The following RECK variants were observed in gnomAD, a reference collection of about 807,000 sequenced individuals.
RECK encodes reversion-inducing cysteine-rich protein with Kazal motifs.
RECK carries 69 observed loss-of-function variants against 115.1 expected under a neutral mutation model. That is an observed-to-expected ratio of 0.60 (90% CI 0.49 to 0.73). The LOEUF is 0.73. RECK is among the 30% of genes least tolerant of loss of function. The pLI is 0.00. For synonymous variants in RECK, 414 were observed against 419.7 expected (o/e 0.99, Z 0.17); for missense variants, 1,047 against 1,203.7 (o/e 0.87, Z 1.93).
chr9:36,052,126 A>G, intron 1 of RECK, 139 bp from the exon 2 acceptor site: 3 of 597,398 alleles, frequency 5.0e-6, no homozygotes, highest in Admixed American at 4.6e-5. Flanking sequence ...ATAGGTGCTC[A>G]GTAAAGGTTT....
chr9:36,083,434 G>C lies in RECK; in HGVS notation c.509G>C (p.Arg170Pro), dbSNP rs375748786. ...NCREYCQAIFRTDSSPGPSQI... is the reference protein window; with the variant it reads ...NCREYCQAIFPTDSSPGPSQI... ...CGAGAATACTGTCAAGCCATTTTTCGAACAGACTCTTCTCCTGGTCCATCT... is the reference window on the plus strand; with the variant it reads ...CGAGAATACTGTCAAGCCATTTTTCCAACAGACTCTTCTCCTGGTCCATCT... Residue 170 changes from arginine (R) to proline (P), a missense_variant, in exon 8 of 21, where the codon CGA (arginine) becomes CCA (proline). Arg to Pro is a moderately radical substitution (Grantham distance 103). Coordinates refer to ENST00000377966, the MANE Select transcript of RECK (RefSeq NM_021111.3). The C allele has an allele frequency of 6.2e-7, 1 of 1,613,912 alleles. No homozygotes were observed. Among genetic ancestry groups the C allele is most frequent in the Non-Finnish European group, 8.5e-7 (1 of 1,179,942 alleles).
At position 36,087,746 on chromosome 9, in the gene RECK, G is replaced by C; in HGVS notation, c.690G>C (p.Lys230Asn). 1.2e-6 allele frequency: 2 copies of C among 1,614,008 alleles called. No individual in the cohort carries two copies. The highest frequency in any genetic ancestry group is 2.2e-5 in the South Asian group (2 of 91,076). Residue 230 changes from lysine (K) to asparagine (N), a missense_variant, in exon 9 of 21, where the codon AAG (lysine) becomes AAC (asparagine). Transcript: ENST00000377966. ...ACCATGCTTGCCAAAATGCCTGCAA[G>C]AGAATCCTGATGTCCAAGAAAACGG... Reference protein sequence around the residue: ...AEDHACQNACKRILMSKKTEM... With the variant: ...AEDHACQNACNRILMSKKTEM...
chr9:36,080,592 C>G lies in RECK; in HGVS notation c.406-13C>G. Reference sequence around the variant, plus strand: ...TGTTAATTTCTGTTTATTTGTTTTTCTTCAATTTACAGAATGCTCTTTTCA... The same window carrying G: ...TGTTAATTTCTGTTTATTTGTTTTTGTTCAATTTACAGAATGCTCTTTTCA... On this transcript the variant is annotated splice_polypyrimidine_tract_variant and intron_variant, in intron 6 of 20. Transcript: ENST00000377966. 1 of 1,597,868 alleles carries G rather than the reference C, an allele frequency of 6.3e-7. No individual in the cohort carries two copies. The highest frequency in any genetic ancestry group is 1.1e-5 in the South Asian group (1 of 90,002).
At position 36,037,030 on chromosome 9, in the gene RECK, C is replaced by T; in HGVS notation, c.32C>T (p.Ala11Val). The T allele has an allele frequency of 7.0e-7, 1 of 1,421,218 alleles. No homozygotes were observed. The highest frequency in any genetic ancestry group is 2.8e-5 in the Admixed American group (1 of 35,598). 88.0% of individuals were successfully genotyped at this position (1,421,218 alleles called of 1,614,324 possible). The change falls in exon 1 of 21, where the codon GCG becomes GTG. Residue 11 changes from alanine to valine, a missense_variant. Ala to Val is a moderately conservative substitution (Grantham distance 64). Transcript: ENST00000377966. ...ACCGTCCGGGCCTCTCTGCGAGGTG[C>T]GCTGCTCCTTCTGCTGGCCGTGGCG... The part of the protein sequence containing the change: MATVRASLRG[A>V]LLLLLAVAGV...
At chr9:36,052,715 C>T (rs565800589) in intron 2 of RECK, among the ~76,000 whole-genome samples, 116 of 151,830 alleles carry the variant, frequency 7.6e-4, no homozygotes, top group African/African-American at 2.5e-3. Context: ...AAAACATCAG[C>T]GCCTGTACTC....
At chr9:36,051,742 C>G (rs1212070784) in intron 1 of RECK, among the ~76,000 whole-genome samples, 1 of 152,120 alleles carries the variant, frequency 6.6e-6, no homozygotes, top group African/African-American at 2.4e-5. Flanking sequence ...CCATATACTC[C>G]TTTATGCTGA....
At chr9:36,039,060 T>C (rs1333109194) in intron 1 of RECK, among the ~76,000 whole-genome samples, 1 of 152,206 alleles carries the variant, frequency 6.6e-6, no homozygotes. Context: ...CTTTTTTTCT[T>C]CATAACACCT....
At chr9:36,106,443 G>T (rs910523059) in intron 13 of RECK, among the ~76,000 whole-genome samples, 1 of 151,438 alleles carries the variant, frequency 6.6e-6, no homozygotes, top group East Asian at 2.0e-4. Flanking sequence ...TCACCATGTT[G>T]TCCAGGCTGG....
intron 2 of RECK, among the ~76,000 whole-genome samples, chr9:36,056,281 A>C (rs1189712152): frequency 6.6e-6 from 1 of 152,192 alleles, no homozygotes; most frequent in Non-Finnish European, 1.5e-5. Context: ...TACTTCTTTG[A>C]AAATGTAATA....
chr9:36,105,413 G>A (rs2132657729), intron 13 of RECK, 130 bp downstream of exon 13: 1 of 799,602 alleles, frequency 1.3e-6, no homozygotes, highest in Non-Finnish European at 2.0e-6. Context: ...GAGATTATGA[G>A]GGACTTCATG....
At position 36,102,223 on chromosome 9, in the gene RECK, A is replaced by G; in HGVS notation, c.1428A>G (p.Thr476=). 6.2e-7 allele frequency: 1 copy of G among 1,602,976 alleles called. No homozygotes were observed. Among genetic ancestry groups the G allele is most frequent in the Non-Finnish European group, 8.5e-7 (1 of 1,176,376 alleles). The part of the protein sequence containing the change: ...DDLKNCIPLD[T]YLRPSTLGNI... ...TGAAGAATTGTATACCTTTGGATAC[A>G]TACCTCAGTAAGTACTTTTTTGTAT... The change falls in exon 12 of 21, where the codon ACA becomes ACG. Residue 476 remains threonine (T), a synonymous_variant. Coordinates refer to ENST00000377966, the MANE Select transcript of RECK (RefSeq NM_021111.3).
chr9:36,100,266 T>C, intron 10 of RECK, 65 bp from the exon 11 acceptor site: 2 of 1,363,806 alleles, frequency 1.5e-6, no homozygotes, highest in Non-Finnish European at 2.1e-6. Context: ...TGTCAGGATT[T>C]TACTTGTTGC....
At chr9:36,108,453 C>T (rs1302513513) in intron 14 of RECK, among the ~76,000 whole-genome samples, 1 of 152,142 alleles carries the variant, frequency 6.6e-6, no homozygotes, top group African/African-American at 2.4e-5. Context: ...CCAAGTTACA[C>T]TTTGATATAG....
At chr9:36,077,282 C>T (rs1486545761) in intron 6 of RECK, among the ~76,000 whole-genome samples, 1 of 152,074 alleles carries the variant, frequency 6.6e-6, no homozygotes, top group Non-Finnish European at 1.5e-5. Flanking sequence ...AGATGGCAGA[C>T]TTTTGAAAGA....
chr9:36,060,828 T>A (rs1383842575), intron 4 of RECK, among the ~76,000 whole-genome samples: 2 of 152,182 alleles, frequency 1.3e-5, no homozygotes, highest in Non-Finnish European at 2.9e-5. Context: ...CTAGATATCT[T>A]TGTAGACATC....
Position 36,109,978 on chromosome 9 carries a change from T to C in RECK, c.1787T>C (p.Ile596Thr). Reference sequence around the variant, plus strand: ...TCAGGTCATGGAACATCCTTTAGTATTGACTGCAATGTCTGTTCTTGTTTT... The same window carrying C: ...TCAGGTCATGGAACATCCTTTAGTACTGACTGCAATGTCTGTTCTTGTTTT... ...KRKSHGTSFS[I>T]DCNVCSCFAG... Residue 596 changes from isoleucine (I) to threonine (T), a missense_variant, in exon 15 of 21, where the codon ATT becomes ACT. Physicochemically the swap from Ile to Thr is moderately conservative, Grantham distance 89 (BLOSUM62 -1). Coordinates refer to ENST00000377966, the MANE Select transcript of RECK (RefSeq NM_021111.3). 1 of 1,613,410 alleles carries C rather than the reference T, an allele frequency of 6.2e-7. No homozygotes were observed. Among genetic ancestry groups the C allele is most frequent in the Non-Finnish European group, 8.5e-7 (1 of 1,179,290 alleles).
At chr9:36,103,494 AAAC>A (rs59243642) in intron 12 of RECK, among the ~76,000 whole-genome samples, 2,403 of 152,330 alleles carry the variant, frequency 0.016, 54 homozygotes, top group African/African-American at 0.054. Flanking sequence ...GGGACAGAGC[AAAC>A]AACTTCTCCC....
At chr9:36,115,726 G>A (rs950727702) in intron 16 of RECK, among the ~76,000 whole-genome samples, 1 of 152,084 alleles carries the variant, frequency 6.6e-6, no homozygotes, top group Non-Finnish European at 1.5e-5. Flanking sequence ...TTTGGTGCAG[G>A]TTAGCCCTAA....
chr9:36,112,295 C>A lies in RECK; in HGVS notation c.1889-10C>A, dbSNP rs775603360. 6.2e-7 allele frequency: 1 copy of A among 1,611,392 alleles called. No homozygotes were observed. The highest frequency in any genetic ancestry group is 1.1e-5 in the South Asian group (1 of 90,972). Reference sequence around the variant, plus strand: ...ACATACATATTTTTGAGGCTGTTTCCTCTCCTCAGGTCTGCCCTGTAACTG... The same window carrying A: ...ACATACATATTTTTGAGGCTGTTTCATCTCCTCAGGTCTGCCCTGTAACTG... On this transcript the variant is annotated splice_polypyrimidine_tract_variant and intron_variant, in intron 15 of 20. Transcript: ENST00000377966.
Sources: allele counts gnomAD v4.1 joint callset (sites outside exome capture counted in the v4.1 genomes callset), GRCh38; gene constraint gnomAD v4.1.1; transcripts MANE v1.5; gene names NCBI Gene and HGNC (gene_info 2026-07-23, HGNC 2026-07-21).